CLDN10: variants seen among roughly 807,000 people sequenced by gnomAD.
CLDN10 encodes the protein claudin-10.
In CLDN10, 15 loss-of-function variants were observed where a neutral mutation model predicts 22.9. That is an observed-to-expected ratio of 0.65 (90% CI 0.44 to 1.01). The LOEUF (loss-of-function observed/expected upper bound fraction) is 1.01, where lower values mean the gene tolerates loss of function less well. CLDN10 is among the 50% of genes least tolerant of loss of function. The pLI is 0.00. For missense variants in CLDN10, 247 were observed against 287.8 expected, an observed-to-expected ratio of 0.86 and a Z score of 1.03; for synonymous variants, 114 against 111.4, an observed-to-expected ratio of 1.02 and a Z score of -0.15.
At chr13:95,514,011 A>C (rs893449465) in intron 1 of CLDN10, among the ~76,000 whole-genome samples, 6 of 152,112 alleles carry the variant, frequency 3.9e-5, no homozygotes, top group African/African-American at 1.4e-4. Context: ...TAATCCCAGC[A>C]ATTTAGGAGG....
intron 1 of CLDN10, among the ~76,000 whole-genome samples, chr13:95,483,267 G>A (rs2042769027): frequency 6.6e-6 from 1 of 152,190 alleles, no homozygotes; most frequent in South Asian, 2.1e-4. Flanking sequence ...AGAAGATGGG[G>A]AAACATTATT....
intron 1 of CLDN10, among the ~76,000 whole-genome samples, chr13:95,518,335 G>C (rs2043190985): frequency 6.6e-6 from 1 of 152,058 alleles, no homozygotes; most frequent in Admixed American, 6.6e-5. Context: ...AAGAAACCTA[G>C]AAAAACTGAT....
chr13:95,438,733 C>G (rs939934620), intron 1 of CLDN10, among the ~76,000 whole-genome samples: 2 of 152,090 alleles, frequency 1.3e-5, no homozygotes, highest in Admixed American at 6.5e-5. Context: ...AATCCCAGCA[C>G]TTTGGGAGGC....
chr13:95,537,417 G>A (rs1335109050), intron 1 of CLDN10, among the ~76,000 whole-genome samples: 2 of 152,106 alleles, frequency 1.3e-5, no homozygotes, highest in African/African-American at 2.4e-5. Context: ...GTGAATTCTG[G>A]TCTCAGCTAT....
intron 1 of CLDN10, among the ~76,000 whole-genome samples, chr13:95,492,242 C>G (rs2042879910): frequency 6.6e-6 from 1 of 150,964 alleles, no homozygotes; most frequent in African/African-American, 2.4e-5. Flanking sequence ...ATTAAATGCC[C>G]TTTGTCTTTC....
chr13:95,550,638 T>G (rs2043553224), upstream of CLDN10, among the ~76,000 whole-genome samples: 1 of 152,108 alleles, frequency 6.6e-6, no homozygotes, highest in Non-Finnish European at 1.5e-5. Context: ...ATAGGCAGAT[T>G]ATTCAGGAAG....
At chr13:95,493,117 G>A (rs2042893089) in intron 1 of CLDN10, among the ~76,000 whole-genome samples, 1 of 151,994 alleles carries the variant, frequency 6.6e-6, no homozygotes, top group Admixed American at 6.6e-5. Flanking sequence ...TGATCTGGAG[G>A]GTTATTCTCC....
At chr13:95,491,915 CTGCAGTGATTA>C (rs941320052) in intron 1 of CLDN10, among the ~76,000 whole-genome samples, 5 of 152,122 alleles carry the variant, frequency 3.3e-5, no homozygotes, top group Non-Finnish European at 7.3e-5. Flanking sequence ...GTGAGCCAAA[CTGCAGTGATTA>C]TTGTCTCTTT....
At chr13:95,552,056 G>A (rs1463202105), upstream of CLDN10, among the ~76,000 whole-genome samples, 1 of 152,204 alleles carries the variant, frequency 6.6e-6, no homozygotes, top group Non-Finnish European at 1.5e-5. Flanking sequence ...AGATCGTCAG[G>A]ATGCCCCATC....
chr13:95,482,704 C>T (rs541456525), intron 1 of CLDN10, among the ~76,000 whole-genome samples: 29 of 152,212 alleles, frequency 1.9e-4, no homozygotes, highest in African/African-American at 4.6e-4. Context: ...TGGCTGGGCG[C>T]GGTGGCTCAC....
chr13:95,457,001 T>C lies in CLDN10; in HGVS notation c.214+22954T>C, dbSNP rs548759963. On this transcript the variant is annotated intron_variant, in intron 1 of 4. Coordinates refer to the CLDN10 transcript ENST00000376873. ...AGTCTCTGCCAGGCTGTAAATAGCA[T>C]AGGTCCTAAACCAAACTCATCATGT... Among the ~76,000 whole-genome samples the C allele has an allele frequency of 7.4e-4, 112 of 152,256 alleles. No homozygotes were observed. In the South Asian group the frequency reaches 8.1e-3, roughly 11 times the overall value.
At chr13:95,501,293 C>A (rs577390743) in intron 1 of CLDN10, among the ~76,000 whole-genome samples, 1 of 152,098 alleles carries the variant, frequency 6.6e-6, no homozygotes, top group African/African-American at 2.4e-5. Context: ...GGATTACAGG[C>A]GTGAGCCACC....
At chr13:95,575,054 T>TAATC (rs1214970516) in intron 3 of CLDN10, among the ~76,000 whole-genome samples, 1 of 152,196 alleles carries the variant, frequency 6.6e-6, no homozygotes, top group Non-Finnish European at 1.5e-5. Flanking sequence ...TATTTATTTG[T>TAATC]AATCAACCAT....
chr13:95,567,328 G>A (rs950730259), intron 3 of CLDN10, among the ~76,000 whole-genome samples: 1 of 152,116 alleles, frequency 6.6e-6, no homozygotes, highest in Non-Finnish European at 1.5e-5. Context: ...CCTTGAAGAG[G>A]TCCTTCACAT....
At chr13:95,521,547 G>T (rs1184213592) in intron 1 of CLDN10, among the ~76,000 whole-genome samples, 1 of 151,966 alleles carries the variant, frequency 6.6e-6, no homozygotes, top group Non-Finnish European at 1.5e-5. Context: ...TGATAATTAT[G>T]TTATCCTTTT....
At chr13:95,515,270 C>T (rs931251615) in intron 1 of CLDN10, among the ~76,000 whole-genome samples, 13 of 152,244 alleles carry the variant, frequency 8.5e-5, no homozygotes, top group African/African-American at 3.1e-4. Flanking sequence ...ACGATCTCAG[C>T]TCACTGCAAC....
intron 1 of CLDN10, among the ~76,000 whole-genome samples, chr13:95,488,510 T>C (rs34569161): frequency 0.55 from 83,077 of 151,566 alleles, 23,689 homozygotes; most frequent in African/African-American, 0.71. Context: ...TTTTATCCCT[T>C]GCCCCCTCCC....
intron 1 of CLDN10, among the ~76,000 whole-genome samples, chr13:95,451,913 T>C (rs903516234): frequency 6.6e-6 from 1 of 152,194 alleles, no homozygotes; most frequent in African/African-American, 2.4e-5. Context: ...AACCTTCTTG[T>C]CCAAAGCACA....
intron 1 of CLDN10, among the ~76,000 whole-genome samples, chr13:95,470,626 T>C (rs1311851745): frequency 6.6e-6 from 1 of 152,124 alleles, no homozygotes; most frequent in Non-Finnish European, 1.5e-5. Flanking sequence ...AAAGTCTCCA[T>C]GGAACTCTCA....
Sources: gnomAD v4.1 joint callset for allele counts (sites outside exome capture counted in the v4.1 genomes callset) on GRCh38, gnomAD v4.1.1 for gene constraint, MANE v1.5 for transcripts, NCBI Gene and HGNC (gene_info 2026-07-23, HGNC 2026-07-21) for gene names.